SMTN: variants seen among roughly 807,000 people sequenced by gnomAD.
The protein encoded by SMTN is smoothelin.
A neutral mutation model predicts 102.0 loss-of-function variants in SMTN; 58 were observed. The ratio of observed to expected loss-of-function variants is 0.57; its 90% CI spans 0.46 to 0.71. The LOEUF is 0.71. Ranked by LOEUF, SMTN falls within the 30% of genes least tolerant of loss-of-function variation. The pLI is 0.00. For synonymous variants in SMTN, 478 were observed against 497.9 expected, an observed-to-expected ratio of 0.96 and a Z score of 0.53; for missense variants, 1,185 against 1,241.7, an observed-to-expected ratio of 0.95 and a Z score of 0.69.
At position 31,104,390 on chromosome 22, in the gene SMTN, G is replaced by A. The variant is rs1227638818; in HGVS notation, c.*95G>A. ...ATGGGCAAGAAGCCTGACCCCAAGT[G>A]TGTCTTCACCTATGTGCAGTCGCTC... is the stretch of plus-strand genomic sequence containing the variant. On this transcript the variant is annotated 3_prime_UTR_variant, in exon 21 of 21. Coordinates refer to ENST00000333137, the MANE Select transcript of SMTN (RefSeq NM_134269.3). 1.9e-6 allele frequency: 3 copies of A among 1,614,188 alleles called. No homozygotes were observed. Among genetic ancestry groups the A allele is most frequent in the African/African-American group, 1.3e-5 (1 of 75,046 alleles).
At chr22:31,101,212 G>A (rs763906099) in intron 20 of SMTN, 163 bp downstream of exon 20, 4 of 661,486 alleles carry the variant, frequency 6.0e-6, no homozygotes, top group Non-Finnish European at 1.0e-5. Flanking sequence ...CCCAGCAGGT[G>A]AGACCATTCT....
chr22:31,100,850 T>TACCCCCCCCCCTCCCCGC, intron 19 of SMTN, 35 bp from the exon 20 acceptor site: 3 of 636,332 alleles, frequency 4.7e-6, no homozygotes, highest in Non-Finnish European at 2.6e-6. Flanking sequence ...CCTGCCCCCG[T>TACCCCCCCCCCTCCCCGC]CCCCCACCCC....
Position 31,095,200 on chromosome 22 carries a change from A to G in SMTN, c.1633-103A>G. The G allele has an allele frequency of 2.4e-6, 3 of 1,233,732 alleles. No homozygotes were observed. Among genetic ancestry groups the G allele is most frequent in the Non-Finnish European group, 3.4e-6 (3 of 879,314 alleles). The allele number at this position is 1,233,732 out of a possible 1,614,324, so 76.4% of individuals were successfully genotyped here. A position where few individuals can be genotyped will look rare whatever the true frequency, so the allele number is the denominator to read the frequency against. ...GCTGGCAGGCTAGTGGTTATTTCCA[A>G]GGCGTGCCAGCAACCCTAGGATCTG... is the stretch of plus-strand genomic sequence containing the variant. On this transcript the variant is annotated intron_variant, in intron 11 of 20. Coordinates refer to ENST00000333137, the MANE Select transcript of SMTN (RefSeq NM_134269.3). The surrounding 1 kb of genome is among the most constrained non-coding windows in gnomAD (Gnocchi z 4.1).
chr22:31,070,937 A>G (rs200753821), intron 1 of SMTN, among the ~76,000 whole-genome samples: 11 of 151,394 alleles, frequency 7.3e-5, no homozygotes, highest in Non-Finnish European at 1.0e-4. Flanking sequence ...AAAAAAAAAA[A>G]AAAAGAAAAG....
intron 11 of SMTN, chr22:31,093,222 C>T (rs898466174): frequency 2.0e-5 from 5 of 250,634 alleles, no homozygotes; most frequent in Non-Finnish European, 4.0e-5. Flanking sequence ...CCTGCTTGGG[C>T]AGGCCCCCCC....
At chr22:31,092,667 G>A in intron 11 of SMTN, 1 of 421,082 alleles carries the variant, frequency 2.4e-6, no homozygotes, top group East Asian at 7.3e-5. Context: ...CAAAAAAGCA[G>A]GATCCAGCTG....
Position 31,095,092 on chromosome 22 carries a change from C to T in SMTN, c.1633-211C>T, listed in dbSNP as rs370128773. 1.3e-5 allele frequency among the ~76,000 whole-genome samples: 2 copies of T among 152,212 alleles called. No individual in the cohort carries two copies. The highest frequency in any genetic ancestry group is 2.9e-5 in the Non-Finnish European group (2 of 68,038). On this transcript the variant is annotated intron_variant, in intron 11 of 20. Coordinates refer to ENST00000333137, the MANE Select transcript of SMTN (RefSeq NM_134269.3). The surrounding 1 kb of genome is among the most constrained non-coding windows in gnomAD (Gnocchi z 4.1). ...CACTATCCATTGTATTAATACAATT[C>T]GGGGTACGTGGGAAGCCCTACAACA...
chr22:31,099,698 G>A (rs141607162), intron 18 of SMTN, 47 bp from the exon 19 acceptor site: 2 of 1,601,166 alleles, frequency 1.2e-6, no homozygotes, highest in African/African-American at 2.7e-5. Context: ...TAGACAGCAG[G>A]GGGGAGTTGC....
chr22:31,097,461 T>C lies in SMTN; in HGVS notation c.2159+123T>C. 25 of 898,734 alleles carry C rather than the reference T, an allele frequency of 2.8e-5. No homozygotes were observed. The South Asian group carries it at 3.4e-4, about 12-fold the overall frequency. 55.7% of individuals were successfully genotyped at this position (898,734 alleles called of 1,614,324 possible). A position where few individuals can be genotyped will look rare whatever the true frequency, so the allele number is the denominator to read the frequency against. ...GCTCTTGCCTGTAATCCCAGCACTTTGGGAGGCCGAGGTGGGCGGATCACT... is the reference window on the plus strand; with the variant it reads ...GCTCTTGCCTGTAATCCCAGCACTTCGGGAGGCCGAGGTGGGCGGATCACT... On this transcript the variant is annotated intron_variant, in intron 16 of 20. Coordinates refer to ENST00000333137, the MANE Select transcript of SMTN (RefSeq NM_134269.3).
At chr22:31,092,612 G>C in intron 11 of SMTN, 1 of 460,288 alleles carries the variant, frequency 2.2e-6, no homozygotes, top group South Asian at 1.6e-5. Context: ...GGCCTTCTCA[G>C]GGGAGACAGG....
chr22:31,082,474 C>A (rs2042373315), intron 1 of SMTN: 1 of 473,774 alleles, frequency 2.1e-6, no homozygotes, highest in African/African-American at 2.0e-5. Flanking sequence ...TTGGCTTCCT[C>A]CTTGCTCAGT....
At position 31,100,958 on chromosome 22, in the gene SMTN, G is replaced by A. The variant is rs765152030; in HGVS notation, c.2677G>A (p.Val893Met). ...GCTTCGAGAGCCTGACTGGAAGTGC[G>A]TGTACACGTACATCCAGGAATTCTA... ...VRLREPDWKC[V>M]YTYIQEFYRC... The change falls in exon 20 of 21, where the codon GTG becomes ATG. Residue 893 changes from valine (V) to methionine (M), a missense_variant. Val to Met is a conservative substitution (Grantham distance 21). Transcript: ENST00000333137. 8 of 1,612,932 alleles carry A rather than the reference G, an allele frequency of 5.0e-6. No homozygotes were observed. The highest frequency in any genetic ancestry group is 2.7e-5 in the African/African-American group (2 of 74,890).
chr22:31,093,622 C>A (rs566562828), intron 11 of SMTN: 2 of 765,230 alleles, frequency 2.6e-6, no homozygotes, highest in Non-Finnish European at 4.8e-6. Context: ...TGAAGAGCTG[C>A]GGGCAGAGAG....
chr22:31,098,628 C>T, intron 16 of SMTN, 39 bp from the exon 17 acceptor site: 5 of 1,603,622 alleles, frequency 3.1e-6, no homozygotes, highest in Non-Finnish European at 4.3e-6. Context: ...GGGAGCAGCC[C>T]TGCTCTCCCT....
intron 1 of SMTN, among the ~76,000 whole-genome samples, chr22:31,070,601 A>G (rs1347854135): frequency 6.6e-6 from 1 of 152,194 alleles, no homozygotes; most frequent in Non-Finnish European, 1.5e-5. Flanking sequence ...GACCTCCCAG[A>G]ACTACCTGTT....
intron 2 of SMTN, among the ~76,000 whole-genome samples, chr22:31,086,921 G>A (rs1258158035): frequency 2.0e-5 from 3 of 152,214 alleles, no homozygotes; most frequent in Non-Finnish European, 4.4e-5. Flanking sequence ...TAAGCAGAAA[G>A]GAATGACGGG....
Position 31,100,105 on chromosome 22 carries a change from G to A in SMTN, c.2603+209G>A, listed in dbSNP as rs371106235. ...AGGTGCCCGCCGGAACGAAGGAGCC[G>A]CAGGCCGGCCTACCAGCCCGGGCCA... On this transcript the variant is annotated intron_variant, in intron 19 of 20. Coordinates refer to ENST00000333137, the MANE Select transcript of SMTN (RefSeq NM_134269.3). Among the ~76,000 whole-genome samples the A allele has an allele frequency of 9.7e-4, 146 of 150,970 alleles. 1 individual carries two copies. The South Asian group carries it at 0.023, about 24-fold the overall frequency.
intron 13 of SMTN, chr22:31,096,088 T>G (rs2043559295): frequency 5.4e-6 from 1 of 183,892 alleles, no homozygotes; most frequent in African/African-American, 2.4e-5. Context: ...CCTTAGATTC[T>G]GGGTTCAATT....
chr22:31,073,795 A>C (rs1036835505), intron 1 of SMTN, among the ~76,000 whole-genome samples: 1 of 152,248 alleles, frequency 6.6e-6, no homozygotes, highest in Non-Finnish European at 1.5e-5. Flanking sequence ...TTTTTAGCTC[A>C]AGATTTCATG....
Sources: gnomAD v4.1 joint callset for allele counts (sites outside exome capture counted in the v4.1 genomes callset) on GRCh38, gnomAD v4.1.1 for gene constraint, Gnocchi (gnomAD v3.1) non-coding constraint, MANE v1.5 for transcripts, NCBI Gene and HGNC (gene_info 2026-07-23, HGNC 2026-07-21) for gene names.